The following ARHGAP6 variants were observed in gnomAD, a reference collection of about 807,000 sequenced individuals.
The protein encoded by ARHGAP6 is Rho GTPase activating protein 6.
Under a neutral mutation model 55.7 loss-of-function variants are expected in ARHGAP6, and 16 were observed. That is an observed-to-expected ratio of 0.29 (90% CI 0.19 to 0.44). The LOEUF (loss-of-function observed/expected upper bound fraction) is 0.44, where lower values mean the gene tolerates loss of function less well. Ranked by LOEUF, ARHGAP6 falls within the 20% of genes least tolerant of loss-of-function variation. The probability of loss-of-function intolerance (pLI) is 1.00; values close to 1 mark genes in which losing one functional copy is unlikely to be tolerated. For synonymous variants in ARHGAP6, 382 were observed against 360.9 expected (o/e 1.06, Z -0.66); for missense variants, 698 against 808.9 (o/e 0.86, Z 1.66).
intron 1 of ARHGAP6, among the ~76,000 whole-genome samples, chrX:11,592,635 T>C (rs2051850028): frequency 8.9e-6 from 1 of 111,889 alleles, no homozygotes; most frequent in Admixed American, 9.5e-5. Flanking sequence ...ATATATTTAG[T>C]ATATACTAGT....
chrX:11,502,701 TATTCTTATGA>T (rs2050691711), intron 1 of ARHGAP6, among the ~76,000 whole-genome samples: 1 of 111,279 alleles, frequency 9.0e-6, no homozygotes, highest in African/African-American at 3.3e-5. Flanking sequence ...AAATATATTT[TATTCTTATGA>T]TTTTCTTAAT....
intron 2 of ARHGAP6, 123 bp downstream of exon 2, chrX:11,254,424 CA>C: frequency 1.1e-6 from 1 of 947,359 alleles, no homozygotes; most frequent in Middle Eastern, 3.5e-4. Flanking sequence ...AGCCAACAAC[CA>C]AGAAGCTGTA....
chrX:11,615,267 G>T (rs1207935266), intron 1 of ARHGAP6, among the ~76,000 whole-genome samples: 2 of 111,303 alleles, frequency 1.8e-5, no homozygotes, highest in African/African-American at 6.5e-5. Context: ...GCATTCTCCT[G>T]ACTCTTTTCC....
chrX:11,495,709 C>T (rs2050615207), intron 1 of ARHGAP6, among the ~76,000 whole-genome samples: 1 of 112,133 alleles, frequency 8.9e-6, no homozygotes, highest in East Asian at 2.8e-4. Context: ...AATCTCTTCC[C>T]TTTGAGCGTG....
chrX:11,617,937 T>C (rs1295056547), intron 1 of ARHGAP6, among the ~76,000 whole-genome samples: 1 of 111,786 alleles, frequency 8.9e-6, no homozygotes, highest in Non-Finnish European at 1.9e-5. Context: ...TCTATTTCTG[T>C]TCCTGCCAGG....
chrX:11,538,741 C>A (rs1413183441), intron 1 of ARHGAP6, among the ~76,000 whole-genome samples: 1 of 110,936 alleles, frequency 9.0e-6, no homozygotes, highest in Non-Finnish European at 1.9e-5. Flanking sequence ...TGAAACTAAT[C>A]CAGATGTTAG....
chrX:11,567,619 G>C (rs1024041567), intron 1 of ARHGAP6, among the ~76,000 whole-genome samples: 4 of 106,544 alleles, frequency 3.8e-5, no homozygotes, highest in African/African-American at 1.4e-4. Flanking sequence ...CTAGGAAGCT[G>C]GGGCAGTTTT....
chrX:11,424,818 C>T (rs1483059973), intron 1 of ARHGAP6, among the ~76,000 whole-genome samples: 1 of 112,588 alleles, frequency 8.9e-6, no homozygotes, highest in Non-Finnish European at 1.9e-5. Context: ...TAGCTGCTAA[C>T]ACACATTATT....
chrX:11,659,174 T>C (rs748217163), intron 1 of ARHGAP6, among the ~76,000 whole-genome samples: 2 of 111,919 alleles, frequency 1.8e-5, no homozygotes, highest in South Asian at 7.6e-4. Flanking sequence ...ATTATGTTTA[T>C]ATGCCAACTC....
At chrX:11,283,590 T>C (rs754539492) in intron 1 of ARHGAP6, among the ~76,000 whole-genome samples, 1 of 112,383 alleles carries the variant, frequency 8.9e-6, no homozygotes, top group African/African-American at 3.2e-5. Context: ...GCTAATCATA[T>C]GCTGTTAAAA....
intron 2 of ARHGAP6, among the ~76,000 whole-genome samples, chrX:11,203,867 T>C (rs1162639663): frequency 2.7e-5 from 3 of 112,002 alleles, no homozygotes; most frequent in African/African-American, 9.7e-5. Flanking sequence ...CAAGTCTGAA[T>C]CTTCATCTGT....
At chrX:11,147,206 C>A (rs762597908) in intron 10 of ARHGAP6, among the ~76,000 whole-genome samples, 1 of 112,567 alleles carries the variant, frequency 8.9e-6, no homozygotes, top group Admixed American at 9.4e-5. Flanking sequence ...AACATATGAA[C>A]ACATACATAT....
At chrX:11,231,970 T>C (rs1318741368) in intron 2 of ARHGAP6, among the ~76,000 whole-genome samples, 1 of 112,259 alleles carries the variant, frequency 8.9e-6, no homozygotes, top group African/African-American at 3.2e-5. Flanking sequence ...TCATGATTTT[T>C]ATTGATATAT....
chrX:11,207,393 ATTGT>A (rs1040555427), intron 2 of ARHGAP6, among the ~76,000 whole-genome samples: 3 of 111,733 alleles, frequency 2.7e-5, no homozygotes, highest in Non-Finnish European at 5.6e-5. Flanking sequence ...TGTGCTCTAA[ATTGT>A]TTGTTTGTTT....
chrX:11,162,147 G>A (rs1367483626), intron 9 of ARHGAP6, among the ~76,000 whole-genome samples: 2 of 111,448 alleles, frequency 1.8e-5, no homozygotes. Flanking sequence ...AGTGGGGCAT[G>A]TAGGAGCTTC....
chrX:11,626,667 A>G (rs1240934266), intron 1 of ARHGAP6, among the ~76,000 whole-genome samples: 4 of 111,681 alleles, frequency 3.6e-5, no homozygotes. Flanking sequence ...TATTTACCAA[A>G]AAATCCATAA....
chrX:11,658,555 T>C (rs994579760), intron 1 of ARHGAP6, among the ~76,000 whole-genome samples: 2 of 110,265 alleles, frequency 1.8e-5, no homozygotes, highest in Non-Finnish European at 3.8e-5. Flanking sequence ...TTTTCTCTGC[T>C]GCATTTTAAA....
At position 11,138,764 on chromosome X, in the gene ARHGAP6, AAAG is replaced by A. The variant is rs2147261118; in HGVS notation, c.*96_*98del. 3.2e-6 allele frequency: 3 copies of A among 927,024 alleles called. No individual in the cohort carries two copies. The highest frequency in any genetic ancestry group is 3.4e-5 in the East Asian group (1 of 29,572). The allele number at this position is 927,024 out of a possible 1,213,427, so 76.4% of individuals were successfully genotyped here. A position where few individuals can be genotyped will look rare whatever the true frequency, so the allele number is the denominator to read the frequency against. ...TCTTGTGTCACTTTTGAGAAGTGTG[AAAG>A]AAGAACACTAAGTGTGCCAGTGGCC... On this transcript the variant is annotated 3_prime_UTR_variant, in exon 13 of 13. Coordinates refer to ENST00000337414, the MANE Select transcript of ARHGAP6 (RefSeq NM_013427.3).
chrX:11,390,944 C>T (rs2049396087), intron 1 of ARHGAP6, among the ~76,000 whole-genome samples: 1 of 111,910 alleles, frequency 8.9e-6, no homozygotes, highest in Non-Finnish European at 1.9e-5. Flanking sequence ...TACCATTTGA[C>T]CCAGACATCG....
Sources: gnomAD v4.1 joint callset for allele counts (sites outside exome capture counted in the v4.1 genomes callset) on GRCh38, gnomAD v4.1.1 for gene constraint, MANE v1.5 for transcripts, NCBI Gene and HGNC (gene_info 2026-07-23, HGNC 2026-07-21) for gene names.